Variants in A2M observed in about 807,000 individuals in gnomAD.
A2M encodes C3 and PZP-like alpha-2-macroglobulin domain-containing protein 5.
A2M carries 128 observed loss-of-function variants against 183.9 expected under a neutral mutation model. That is an observed-to-expected ratio of 0.70 (90% confidence interval 0.60 to 0.81). The LOEUF is 0.81. Among genes scored for constraint, A2M ranks in the 30% least tolerant of loss-of-function variants. A2M has a pLI of 0.00. For synonymous variants in A2M, 592 were observed against 670.8 expected, an observed-to-expected ratio of 0.88 and a Z score of 1.81; for missense variants, 1,495 against 1,787.6, an observed-to-expected ratio of 0.84 and a Z score of 2.95.
At position 9,079,315 on chromosome 12, in the gene A2M, C is replaced by T. The variant is rs772027119; in HGVS notation, c.3048G>A (p.Leu1016=). ...GYLNTGYQRQ[L]NYKHYDGSYS... is the part of the protein sequence containing the mutation. The stretch of plus-strand genomic sequence containing the variant: ...AGGAGCCATCATAGTGTTTGTAGTT[C>T]AACTGTCTCTGGTAACCTGGAAAGG... Residue 1016 remains leucine, a synonymous_variant, in exon 25 of 36, where the codon TTG becomes TTA. Coordinates refer to ENST00000318602, the MANE Select transcript of A2M (RefSeq NM_000014.6). The T allele has an allele frequency of 2.5e-6, 4 of 1,613,514 alleles. No homozygotes were observed. Among genetic ancestry groups the T allele is most frequent in the Non-Finnish European group, 2.5e-6 (3 of 1,179,744 alleles).
rs955281793 is a variant in A2M at position 9,098,612 on chromosome 12, A to G, written c.1846T>C (p.Ser616Pro). 7 of 1,599,230 alleles carry G rather than the reference A, an allele frequency of 4.4e-6. No individual in the cohort carries two copies. The Admixed American group carries it at 1.2e-4, about 28-fold the overall frequency. The change falls in exon 15 of 36, where the codon TCC becomes CCC. Residue 616 changes from serine (S) to proline (P), a missense_variant. Ser to Pro is a moderately conservative substitution (Grantham distance 74). Coordinates refer to ENST00000318602, the MANE Select transcript of A2M (RefSeq NM_000014.6). ...TGAGGCTGCCAGGAACTCACCGAGG[A>G]CGCCGAGAGCTCAGCATCAGGCTTC... ...LMKPDAELSA[S>P]SVYNLLPEKD...
chr12:9,079,968 A>T, intron 23 of A2M, 126 bp downstream of exon 23: 5 of 952,218 alleles, frequency 5.3e-6, no homozygotes, highest in Non-Finnish European at 6.0e-6. Context: ...GCAATAAACA[A>T]GCCCAAAGAA....
rs768691056 is a variant in A2M at position 9,102,287 on chromosome 12, C to A, written c.1267-613G>T. Reference sequence around the variant, plus strand: ...CTGGAGTACAGTGGCACAATCTTGGCTCAGTGCAATCTCTGCCTCTGGGGC... The same window carrying A: ...CTGGAGTACAGTGGCACAATCTTGGATCAGTGCAATCTCTGCCTCTGGGGC... On this transcript the variant is annotated intron_variant, in intron 11 of 35. Coordinates refer to ENST00000318602, the MANE Select transcript of A2M (RefSeq NM_000014.6). Among the ~76,000 whole-genome samples the A allele has an allele frequency of 2.0e-5, 3 of 152,248 alleles. No homozygotes were observed. In the South Asian group the frequency reaches 6.2e-4, roughly 32 times the overall value.
rs779723730 is a variant in A2M, at chr12:9,076,785, T to G, written c.3503A>C (p.Lys1168Thr). ...CTTCACAGCTTCCTCATTAAGTGACTTGAGTACTTCCTTCCTCTTGTCCTG... is the reference window on the plus strand; with the variant it reads ...CTTCACAGCTTCCTCATTAAGTGACGTGAGTACTTCCTTCCTCTTGTCCTG... Reference protein sequence around the residue: ...GNQDKRKEVLKSLNEEAVKKD... With the variant: ...GNQDKRKEVLTSLNEEAVKKD... Residue 1168 changes from lysine (K) to threonine (T), a missense_variant, in exon 28 of 36, where the codon AAG becomes ACG. Coordinates refer to ENST00000318602, the MANE Select transcript of A2M (RefSeq NM_000014.6). 2 of 1,613,982 alleles carry G rather than the reference T, an allele frequency of 1.2e-6. No homozygotes were observed. The highest frequency in any genetic ancestry group is 1.7e-6 in the Non-Finnish European group (2 of 1,179,876).
intron 20 of A2M, 68 bp downstream of exon 20, chr12:9,090,288 A>C (rs1949169904): frequency 3.7e-6 from 6 of 1,606,284 alleles, no homozygotes; most frequent in Non-Finnish European, 5.1e-6. Flanking sequence ...AGTAGCACTC[A>C]ATATAAGGTT....
In A2M at chr12:9,115,903, A is replaced by G. The variant is rs182610539; in HGVS notation, c.-54T>C. On this transcript the variant is annotated 5_prime_UTR_variant, in exon 1 of 36. Coordinates refer to ENST00000318602, the MANE Select transcript of A2M (RefSeq NM_000014.6). ...CAGACTGTATTGTACCCTACTCCCT[A>G]CAATCCATCTGGTCCCAAACACTTC... The G allele has an allele frequency of 4.5e-4, 655 of 1,447,208 alleles. 2 individuals carry two copies. The African/African-American group carries it at 7.9e-3, about 17-fold the overall frequency. The allele number at this position is 1,447,208 out of a possible 1,614,324, so 89.6% of individuals were successfully genotyped here.
intron 22 of A2M, among the ~76,000 whole-genome samples, chr12:9,083,371 C>G (rs1318762906): frequency 2.7e-5 from 4 of 150,934 alleles, no homozygotes; most frequent in Admixed American, 6.6e-5. Flanking sequence ...CACATGTACC[C>G]TAGAACTTAA....
At chr12:9,077,202 T>G (rs1948773103) in intron 27 of A2M, 144 bp downstream of exon 27, 2 of 866,228 alleles carry the variant, frequency 2.3e-6, no homozygotes, top group Non-Finnish European at 3.5e-6. Flanking sequence ...GCTGACCAAA[T>G]TCTCTGTAGA....
Position 9,068,235 on chromosome 12 carries a change from A to G in A2M, c.4367-11T>C, listed in dbSNP as rs1466574524. The G allele has an allele frequency of 1.2e-6, 2 of 1,605,142 alleles. No homozygotes were observed. Among genetic ancestry groups the G allele is most frequent in the Middle Eastern group, 1.7e-4 (1 of 6,060 alleles). On this transcript the variant is annotated splice_polypyrimidine_tract_variant and intron_variant, in intron 34 of 35. Coordinates refer to ENST00000318602, the MANE Select transcript of A2M (RefSeq NM_000014.6). ...CAATTGCAAACTCATCTGAAAAAAA[A>G]AAAACCAACAAAAAACCAGAAATCA...
At chr12:9,076,674 G>T in intron 28 of A2M, 82 bp downstream of exon 28, 29 of 1,302,592 alleles carry the variant, frequency 2.2e-5, no homozygotes, top group Non-Finnish European at 3.2e-5. Flanking sequence ...AGGGATCACA[G>T]GAGGTAGGAG....
rs1157297657 is a variant in A2M at position 9,068,106 on chromosome 12, C to T, written c.4408+77G>A. On this transcript the variant is annotated intron_variant, in intron 35 of 35. Coordinates refer to ENST00000318602, the MANE Select transcript of A2M (RefSeq NM_000014.6). ...ATGTTTTTGACAAATATTTACCCAG[C>T]GTTTTATGAAGGAGAAGGTTTGGGG... 17 of 1,479,638 alleles carry T rather than the reference C, an allele frequency of 1.1e-5. No homozygotes were observed. The Admixed American group carries it at 1.3e-4, about 12-fold the overall frequency. The allele number at this position is 1,479,638 out of a possible 1,614,324, so 91.7% of individuals were successfully genotyped here. A position where few individuals can be genotyped will look rare whatever the true frequency, so the allele number is the denominator to read the frequency against.
chr12:9,113,287 T>C, intron 2 of A2M, 73 bp downstream of exon 2: 13 of 1,512,586 alleles, frequency 8.6e-6, no homozygotes, highest in Non-Finnish European at 1.2e-5. Context: ...CAAAGCCTCA[T>C]CTGACAGAAT....
chr12:9,100,138 A>G (rs1254668160), intron 13 of A2M, among the ~76,000 whole-genome samples: 1 of 152,212 alleles, frequency 6.6e-6, no homozygotes, highest in East Asian at 1.9e-4. Flanking sequence ...ATATTTGCTC[A>G]TGGCAAGAGT....
intron 2 of A2M, among the ~76,000 whole-genome samples, chr12:9,112,848 G>T (rs1938844432): frequency 6.6e-6 from 1 of 152,150 alleles, no homozygotes; most frequent in African/African-American, 2.4e-5. Flanking sequence ...TGCTAAAAGG[G>T]CATGGTCGAA....
chr12:9,067,855 G>GA lies in A2M; in HGVS notation c.4409-17dup, dbSNP rs749161826. 8.1e-6 allele frequency: 13 copies of GA among 1,610,112 alleles called. No homozygotes were observed. Among genetic ancestry groups the GA allele is most frequent in the Non-Finnish European group, 1.1e-5 (13 of 1,178,066 alleles). ...TTTCCAAGATCTGTGACATTGGAAA[G>GA]AAAAAAAATTAAGACAGATTTGGGT... On this transcript the variant is annotated splice_polypyrimidine_tract_variant and intron_variant, in intron 35 of 35. Transcript: ENST00000318602.
chr12:9,070,145 T>A (rs1257033831), intron 32 of A2M, among the ~76,000 whole-genome samples: 1 of 152,254 alleles, frequency 6.6e-6, no homozygotes, highest in African/African-American at 2.4e-5. Flanking sequence ...ATTTTTCTTT[T>A]AACTTCTGTA....
chr12:9,107,377 TTCA>T (rs1444976761), intron 8 of A2M, 144 bp downstream of exon 8: 6 of 970,848 alleles, frequency 6.2e-6, no homozygotes, highest in East Asian at 2.7e-5. Flanking sequence ...TTGTGCTAAG[TTCA>T]TGATTTTTTT....
intron 1 of A2M, among the ~76,000 whole-genome samples, chr12:9,114,768 ATTTAAC>A (rs1565607191): frequency 6.6e-6 from 1 of 152,088 alleles, no homozygotes; most frequent in Non-Finnish European, 1.5e-5. Context: ...GGGTAGGTAA[ATTTAAC>A]TTTAACTCCT....
chr12:9,106,732 C>T (rs1004996614), intron 8 of A2M, 127 bp from the exon 9 acceptor site: 3 of 441,606 alleles, frequency 6.8e-6, no homozygotes, highest in Non-Finnish European at 7.7e-6. Context: ...GACGAGGACA[C>T]AATAAATATT....
Sources: gnomAD v4.1 joint callset for allele counts (sites outside exome capture counted in the v4.1 genomes callset) on GRCh38, gnomAD v4.1.1 for gene constraint, MANE v1.5 for transcripts, NCBI Gene and HGNC (gene_info 2026-07-23, HGNC 2026-07-21) for gene names.